The following DIP2C variants were observed in gnomAD, a reference collection of about 807,000 sequenced individuals.
DIP2C encodes the protein DIP2 acetate--CoA ligase C (putative), also known as disco-interacting protein 2 homolog C.
In DIP2C, 33 loss-of-function variants were observed where a neutral mutation model predicts 192.4. The ratio of observed to expected loss-of-function variants is 0.17; its 90% CI spans 0.13 to 0.23. The LOEUF (loss-of-function observed/expected upper bound fraction) is 0.23, where lower values mean the gene tolerates loss of function less well. DIP2C is among the 10% of genes least tolerant of loss of function. The pLI is 1.00. For missense variants in DIP2C, 1,537 were observed against 2,110.1 expected, an observed-to-expected ratio of 0.73 and a Z score of 5.32; for synonymous variants, 979 against 864.1, an observed-to-expected ratio of 1.13 and a Z score of -2.33.
At position 388,981 on chromosome 10, in the gene DIP2C, C is replaced by T. The variant is rs146528266; in HGVS notation, c.1597+1010G>A. ...GGTTCTCTGGAGTCTCAAGGGGCCT[C>T]GGGGCATCCCAAGGGATCTCAGGGC... is the stretch of plus-strand genomic sequence containing the variant. On this transcript the variant is annotated intron_variant, in intron 13 of 36. Coordinates refer to ENST00000280886, the MANE Select transcript of DIP2C (RefSeq NM_014974.3). Among the ~76,000 whole-genome samples, 395 of 136,402 alleles carry T rather than the reference C, an allele frequency of 2.9e-3. 1 individual carries two copies. The highest frequency in any genetic ancestry group is 0.024 in the Middle Eastern group (5 of 208). The allele number at this position is 136,402 out of a possible 152,430, so 89.5% of individuals were successfully genotyped here.
chr10:534,708 C>T (rs1331237244), intron 1 of DIP2C, among the ~76,000 whole-genome samples: 2 of 146,142 alleles, frequency 1.4e-5, no homozygotes, highest in South Asian at 2.1e-4. Flanking sequence ...CTCGCTCTGT[C>T]GCCCAGGCCG....
At chr10:554,032 T>C (rs1848718856) in intron 1 of DIP2C, among the ~76,000 whole-genome samples, 1 of 151,858 alleles carries the variant, frequency 6.6e-6, no homozygotes, top group Non-Finnish European at 1.5e-5. Flanking sequence ...AACGTACAGC[T>C]TGTAACTGTA....
chr10:277,259 G>A lies in DIP2C; in HGVS notation c.*66C>T. 1.3e-6 allele frequency: 2 copies of A among 1,580,386 alleles called. No individual in the cohort carries two copies. Among genetic ancestry groups the A allele is most frequent in the East Asian group, 2.2e-5 (1 of 44,648 alleles). On this transcript the variant is annotated 3_prime_UTR_variant, in exon 37 of 37. Coordinates refer to ENST00000280886, the MANE Select transcript of DIP2C (RefSeq NM_014974.3). ...GGTGAGTGTTGCCCTGTGTCTGCACGCTTCAGTGGACACGGAGAACAATGT... is the reference window on the plus strand; with the variant it reads ...GGTGAGTGTTGCCCTGTGTCTGCACACTTCAGTGGACACGGAGAACAATGT...
intron 3 of DIP2C, among the ~76,000 whole-genome samples, chr10:456,255 G>A (rs1969283677): frequency 8.1e-6 from 1 of 122,862 alleles, no homozygotes; most frequent in Non-Finnish European, 1.7e-5. Flanking sequence ...GAGTAAATGA[G>A]ATGAAAACAC....
chr10:440,739 TGGAC>T, intron 4 of DIP2C, 128 bp downstream of exon 4: 1 of 1,322,998 alleles, frequency 7.6e-7, no homozygotes, highest in Non-Finnish European at 1.0e-6. Flanking sequence ...ACACTGTTTT[TGGAC>T]TTCTGGTTCA....
intron 9 of DIP2C, among the ~76,000 whole-genome samples, chr10:401,228 G>C (rs1244195665): frequency 1.4e-5 from 2 of 147,682 alleles, no homozygotes; most frequent in Non-Finnish European, 1.5e-5. Flanking sequence ...GGACAAGTTT[G>C]GTACATTTTC....
intron 1 of DIP2C, among the ~76,000 whole-genome samples, chr10:633,573 G>C (rs553111076): frequency 1.3e-5 from 2 of 152,190 alleles, no homozygotes; most frequent in Non-Finnish European, 1.5e-5. Context: ...GGGGGCCCTC[G>C]CGTCACCCAA....
intron 7 of DIP2C, among the ~76,000 whole-genome samples, chr10:414,739 G>GTGTGTGTGTGTGTGTGTATATATATA: frequency 1.1e-5 from 1 of 90,510 alleles, no homozygotes; most frequent in African/African-American, 4.5e-5. Context: ...GTGTGTGTGT[G>GTGTGTGTGTGTGTGTGTATATATATA]TACATATATA....
intron 1 of DIP2C, among the ~76,000 whole-genome samples, chr10:625,308 A>T (rs1271586817): frequency 2.0e-5 from 3 of 152,224 alleles, no homozygotes; most frequent in Admixed American, 6.5e-5. Context: ...GAGCCAGCAC[A>T]GTAGCTTCAG....
chr10:356,200 G>C, intron 24 of DIP2C: 1 of 608,226 alleles, frequency 1.6e-6, no homozygotes, highest in Non-Finnish European at 2.9e-6. Flanking sequence ...ATTGTAAATA[G>C]GTTGCTAAAA....
intron 1 of DIP2C, among the ~76,000 whole-genome samples, chr10:603,958 C>T (rs1423611821): frequency 1.3e-5 from 2 of 150,918 alleles, no homozygotes; most frequent in African/African-American, 2.4e-5. Flanking sequence ...CAACCACTGC[C>T]CCACCCTTGG....
chr10:617,662 C>G (rs1037686893), intron 1 of DIP2C, among the ~76,000 whole-genome samples: 4 of 150,482 alleles, frequency 2.7e-5, no homozygotes, highest in Non-Finnish European at 5.9e-5. Context: ...ACCACCCCCC[C>G]ACCCCCACCC....
intron 3 of DIP2C, among the ~76,000 whole-genome samples, chr10:459,444 C>G (rs2133372157): frequency 6.6e-6 from 1 of 152,344 alleles, no homozygotes; most frequent in South Asian, 2.1e-4. Flanking sequence ...CCTGAGAGGG[C>G]AGCCCAAGCC....
At chr10:663,884 C>T (rs982562343) in intron 1 of DIP2C, 5 of 142,110 alleles carry the variant, frequency 3.5e-5, no homozygotes, top group Admixed American at 1.4e-4. Flanking sequence ...CGCTTAGCAC[C>T]GCAGGTGCCA....
At chr10:574,235 A>G (rs1193965821) in intron 1 of DIP2C, among the ~76,000 whole-genome samples, 5 of 152,236 alleles carry the variant, frequency 3.3e-5, no homozygotes, top group African/African-American at 1.2e-4. Context: ...AAGCTAGGAA[A>G]TTGGGCATTT....
intron 1 of DIP2C, among the ~76,000 whole-genome samples, chr10:611,884 T>C (rs143012637): frequency 1.3e-5 from 2 of 152,320 alleles, no homozygotes; most frequent in East Asian, 3.9e-4. Flanking sequence ...CAGTGACCCA[T>C]GTAACTATGG....
intron 1 of DIP2C, among the ~76,000 whole-genome samples, chr10:548,810 AG>A (rs1205188210): frequency 6.7e-6 from 1 of 149,754 alleles, no homozygotes; most frequent in Non-Finnish European, 1.5e-5. Flanking sequence ...TTTAAAGAAA[AG>A]TAGTTATTTA....
At chr10:557,794 G>GGGGCAGGC (rs1848975472) in intron 1 of DIP2C, among the ~76,000 whole-genome samples, 1 of 80,962 alleles carries the variant, frequency 1.2e-5, no homozygotes, top group African/African-American at 5.2e-5. Context: ...GGCGGGGGCA[G>GGGGCAGGC]GGGCAGGCAG....
In DIP2C at chr10:475,399, G is replaced by A. The variant is rs568932536; in HGVS notation, c.158-2850C>T. 5.3e-5 allele frequency among the ~76,000 whole-genome samples: 8 copies of A among 152,274 alleles called. No individual in the cohort carries two copies. The East Asian group carries it at 5.8e-4, about 11-fold the overall frequency. On this transcript the variant is annotated intron_variant, in intron 2 of 36. Coordinates refer to ENST00000280886, the MANE Select transcript of DIP2C (RefSeq NM_014974.3). ...TTCCAAGTTGCCAAGCGTATCCAGT[G>A]GCCTGACGTTTTTAATGTTTCACCT...
Sources: gnomAD v4.1 joint callset for allele counts (sites outside exome capture counted in the v4.1 genomes callset) on GRCh38, gnomAD v4.1.1 for gene constraint, MANE v1.5 for transcripts, NCBI Gene and HGNC (gene_info 2026-07-23, HGNC 2026-07-21) for gene names.